VSX1: variants seen among roughly 807,000 people sequenced by gnomAD.
VSX1 encodes the protein visual system homeobox 1, also known as homeodomain protein RINX.
In VSX1, 23 loss-of-function variants were observed where a neutral mutation model predicts 23.6. The observed-to-expected ratio is 0.97, with a 90% CI of 0.70 to 1.38. The LOEUF is 1.38. Among genes scored for constraint, VSX1 ranks in the 40% most tolerant of loss-of-function variants. The pLI, the probability that VSX1 is intolerant of heterozygous loss-of-function variation, is 0.00. For missense variants in VSX1, 517 were observed against 495.4 expected, an observed-to-expected ratio of 1.04 and a Z score of -0.41; for synonymous variants, 247 against 215.1, an observed-to-expected ratio of 1.15 and a Z score of -1.30.
chr20:25,077,342 G>C (rs1391545902), intron 4 of VSX1, among the ~76,000 whole-genome samples: 4 of 152,164 alleles, frequency 2.6e-5, no homozygotes, highest in Non-Finnish European at 5.9e-5. Context: ...CTATTACCAA[G>C]TGCCCTAAAT....
chr20:25,077,085 A>T (rs1308306825), intron 4 of VSX1, among the ~76,000 whole-genome samples: 1 of 152,126 alleles, frequency 6.6e-6, no homozygotes, highest in African/African-American at 2.4e-5. Context: ...CTCATCTGTG[A>T]CTCATTCCCA....
In VSX1 at chr20:25,082,079, C is replaced by A. The variant is rs8123716; in HGVS notation, c.18G>T (p.Ser6=). The part of the protein sequence containing the change: MTGRD[S]LSDGRTSSRA... ...TGCTGCTAGTGCGCCCGTCGGAAAGCGAGTCCCGGCCGGTCATGGTTCCTT... is the reference window on the plus strand; with the variant it reads ...TGCTGCTAGTGCGCCCGTCGGAAAGAGAGTCCCGGCCGGTCATGGTTCCTT... The change falls in exon 1 of 5, where the codon TCG becomes TCT. Residue 6 remains serine, a synonymous_variant. Transcript: ENST00000376709. The A allele has an allele frequency of 0.084, 128,484 of 1,538,440 alleles. 6,213 individuals are homozygous for A. Among genetic ancestry groups the A allele is most frequent in the Non-Finnish European group, 0.098 (112,558 of 1,148,270 alleles).
intron 3 of VSX1, among the ~76,000 whole-genome samples, chr20:25,078,250 G>A (rs2122879660): frequency 6.6e-6 from 1 of 152,312 alleles, no homozygotes; most frequent in East Asian, 1.9e-4. Flanking sequence ...TGGGGCACTG[G>A]CTCCTTCCGA....
chr20:25,071,901 C>T (rs2089386605), downstream of VSX1: 1 of 706,390 alleles, frequency 1.4e-6, no homozygotes, highest in Admixed American at 2.0e-5. Context: ...GAGGGGCAGA[C>T]TTTAGCAGCA....
At position 25,081,719 on chromosome 20, in the gene VSX1, C is replaced by A. The variant is rs993182248; in HGVS notation, c.378G>T (p.Pro126=). ...TGCGCTTCTGGCGGCCGAGCGCAGG[C>A]GGCGGACGGCTGGGAGCCAGCGGGG... ...PAAPLAPSRP[P]PALGRQKRSD... is the part of the protein sequence containing the mutation. The change falls in exon 1 of 5, where the codon CCG becomes CCT. Residue 126 remains proline, a synonymous_variant. Transcript: ENST00000376709. 2 of 1,500,450 alleles carry A rather than the reference C, an allele frequency of 1.3e-6. No homozygotes were observed. The highest frequency in any genetic ancestry group is 1.4e-5 in the African/African-American group (1 of 69,862). The allele number at this position is 1,500,450 out of a possible 1,614,324, so 92.9% of individuals were successfully genotyped here. A position where few individuals can be genotyped will look rare whatever the true frequency, so the allele number is the denominator to read the frequency against.
At chr20:25,075,142 A>T (rs2089460003), downstream of VSX1, among the ~76,000 whole-genome samples, 1 of 152,208 alleles carries the variant, frequency 6.6e-6, no homozygotes, top group Non-Finnish European at 1.5e-5. Flanking sequence ...GCCTAGCCTG[A>T]CAGATCACTG....
downstream of VSX1, chr20:25,072,045 A>G (rs1418333003): frequency 4.8e-6 from 3 of 619,124 alleles, no homozygotes; most frequent in Admixed American, 8.8e-5. Flanking sequence ...GTATTTCACA[A>G]CAACTCTTGC....
At chr20:25,072,378 C>T (rs1230703518), downstream of VSX1, among the ~76,000 whole-genome samples, 2 of 152,176 alleles carry the variant, frequency 1.3e-5, no homozygotes, top group African/African-American at 2.4e-5. Context: ...CCAGCCCTCC[C>T]CCAGTGTCAG....
downstream of VSX1, among the ~76,000 whole-genome samples, chr20:25,074,984 A>G (rs997805682): frequency 1.2e-4 from 19 of 152,252 alleles, no homozygotes; most frequent in Admixed American, 1.1e-3. Context: ...AATTAATACA[A>G]GAACATAGGG....
At chr20:25,077,536 A>G in intron 4 of VSX1, 149 bp downstream of exon 4, 7 of 956,050 alleles carry the variant, frequency 7.3e-6, no homozygotes, top group Non-Finnish European at 9.3e-6. Context: ...TTTGTTATTA[A>G]TTAAAAATAA....
chr20:25,081,912 G>T lies in VSX1; in HGVS notation c.185C>A (p.Pro62Gln). 1.3e-6 allele frequency: 2 copies of T among 1,529,208 alleles called. No individual in the cohort carries two copies. The highest frequency in any genetic ancestry group is 1.7e-6 in the Non-Finnish European group (2 of 1,144,364). 94.7% of individuals were successfully genotyped at this position (1,529,208 alleles called of 1,614,324 possible). Residue 62 changes from proline to glutamine, a missense_variant, in exon 1 of 5, where the codon CCG becomes CAG. By Grantham distance (76) the Pro-to-Gln change is moderately conservative. Coordinates refer to ENST00000376709, the MANE Select transcript of VSX1 (RefSeq NM_014588.6). ...GSGCEGPAVA[P>Q]CPGPGLDGSS... The stretch of plus-strand genomic sequence containing the variant: ...GCCGTCAAGCCCCGGGCCCGGGCAC[G>T]GCGCGACTGCCGGACCCTCGCAGCC...
intron 4 of VSX1, among the ~76,000 whole-genome samples, chr20:25,077,038 A>G (rs115003093): frequency 3.3e-5 from 5 of 152,324 alleles, no homozygotes; most frequent in African/African-American, 1.2e-4. Context: ...AAATGCCACC[A>G]TGATCCTCCT....
downstream of VSX1, chr20:25,072,734 C>T: frequency 2.2e-6 from 1 of 463,328 alleles, no homozygotes; most frequent in Non-Finnish European, 4.5e-6. Context: ...TACGATTAAA[C>T]CTAAGGAAAA....
At chr20:25,072,758 A>T (rs535540207), downstream of VSX1, 1 of 453,060 alleles carries the variant, frequency 2.2e-6, no homozygotes, top group Admixed American at 2.4e-5. Context: ...ATTATTTGTT[A>T]TATCTTGTTC....
At chr20:25,078,280 T>C (rs1366838860) in intron 3 of VSX1, among the ~76,000 whole-genome samples, 1 of 152,256 alleles carries the variant, frequency 6.6e-6, no homozygotes, top group African/African-American at 2.4e-5. Context: ...ATTGGGTTGC[T>C]GGTGATATTT....
chr20:25,078,168 C>T (rs1051740913), intron 3 of VSX1, among the ~76,000 whole-genome samples: 2 of 152,200 alleles, frequency 1.3e-5, no homozygotes, highest in Non-Finnish European at 2.9e-5. Flanking sequence ...ATCAAACTCC[C>T]TTTTCCCACA....
At chr20:25,072,073 G>C, downstream of VSX1, 1 of 608,360 alleles carries the variant, frequency 1.6e-6, no homozygotes, top group South Asian at 2.1e-5. Flanking sequence ...TAGATAGAAA[G>C]AGAGAGGGAA....
downstream of VSX1, chr20:25,071,827 A>G: frequency 1.4e-6 from 1 of 712,890 alleles, no homozygotes; most frequent in Non-Finnish European, 2.6e-6. Context: ...GTGATCATCA[A>G]GGATGACACA....
intron 4 of VSX1, among the ~76,000 whole-genome samples, chr20:25,077,453 T>G (rs1293037682): frequency 6.6e-6 from 1 of 152,232 alleles, no homozygotes; most frequent in Non-Finnish European, 1.5e-5. Flanking sequence ...TTAGCATGCA[T>G]AGCCCGGTGA....
Sources: allele counts gnomAD v4.1 joint callset (sites outside exome capture counted in the v4.1 genomes callset), GRCh38; gene constraint gnomAD v4.1.1; transcripts MANE v1.5; gene names NCBI Gene and HGNC (gene_info 2026-07-23, HGNC 2026-07-21).